The following LEKR1 variants were observed in gnomAD, a reference collection of about 807,000 sequenced individuals.
LEKR1 encodes protein LEKR1.
A neutral mutation model predicts 72.4 loss-of-function variants in LEKR1; 59 were observed. That is an observed-to-expected ratio of 0.82 (90% CI 0.66 to 1.01). LEKR1 has a LOEUF of 1.01. Among genes scored for constraint, LEKR1 ranks in the 50% least tolerant of loss-of-function variants. The pLI, the probability that LEKR1 is intolerant of heterozygous loss-of-function variation, is 0.00. For synonymous variants in LEKR1, 257 were observed against 263.2 expected (o/e 0.98, Z 0.23); for missense variants, 728 against 759.2 (o/e 0.96, Z 0.48).
Position 156,846,712 on chromosome 3 carries a change from A to G in LEKR1, c.49-6056A>G, listed in dbSNP as rs76645317. 9.7e-3 allele frequency among the ~76,000 whole-genome samples: 1,475 copies of G among 152,316 alleles called. 22 individuals carry two copies. The highest frequency in any genetic ancestry group is 0.034 in the African/African-American group (1,403 of 41,550). ...AGAAGGATTAGTATTTCATACTGCT[A>G]TCACTCTTATCTACAAAGAATAGTT... On this transcript the variant is annotated intron_variant, in intron 2 of 12. Coordinates refer to ENST00000356539, the MANE Select transcript of LEKR1 (RefSeq NM_001004316.3).
At chr3:156,851,058 T>A (rs1036198997) in intron 2 of LEKR1, 5 of 152,146 alleles carry the variant, frequency 3.3e-5, no homozygotes, top group African/African-American at 1.2e-4. Flanking sequence ...GAGAGAAGTT[T>A]GAGTCTTCTC....
intron 6 of LEKR1, among the ~76,000 whole-genome samples, chr3:156,957,171 A>G (rs547021830): frequency 1.3e-5 from 2 of 152,246 alleles, no homozygotes; most frequent in South Asian, 4.1e-4. Flanking sequence ...AACACTAATG[A>G]TAGGAGTAAT....
intron 6 of LEKR1, among the ~76,000 whole-genome samples, chr3:156,959,219 A>G (rs1022830847): frequency 6.6e-6 from 1 of 152,176 alleles, no homozygotes; most frequent in African/African-American, 2.4e-5. Context: ...GGCACATCAA[A>G]TAAGGGCAGA....
chr3:156,900,626 G>C (rs947893182), intron 3 of LEKR1, among the ~76,000 whole-genome samples: 5 of 152,180 alleles, frequency 3.3e-5, no homozygotes, highest in African/African-American at 1.2e-4. Flanking sequence ...TATAGGACTT[G>C]AGTTAGAAAA....
At chr3:156,999,769 C>T (rs1731869622) in intron 9 of LEKR1, among the ~76,000 whole-genome samples, 1 of 152,150 alleles carries the variant, frequency 6.6e-6, no homozygotes, top group South Asian at 2.1e-4. Context: ...TGCACAAGGG[C>T]ACTGGTTAGC....
intron 6 of LEKR1, among the ~76,000 whole-genome samples, chr3:156,957,373 G>A (rs1465184422): frequency 1.3e-5 from 2 of 151,806 alleles, no homozygotes; most frequent in African/African-American, 2.4e-5. Flanking sequence ...AAAGGAACTT[G>A]GAAATATGAG....
At chr3:156,856,261 A>T (rs1716048679) in intron 3 of LEKR1, among the ~76,000 whole-genome samples, 1 of 151,954 alleles carries the variant, frequency 6.6e-6, no homozygotes, top group Non-Finnish European at 1.5e-5. Context: ...GCCACCTATT[A>T]ATTTTTCTTC....
chr3:156,992,636 C>G lies in LEKR1; in HGVS notation c.828-17C>G, dbSNP rs775749641. The G allele has an allele frequency of 1.8e-6, 1 of 548,968 alleles. No homozygotes were observed. The highest frequency in any genetic ancestry group is 2.6e-6 in the Non-Finnish European group (1 of 382,168). The allele number at this position is 548,968 out of a possible 1,614,324, so 34.0% of individuals were successfully genotyped here. ...ATTTTGAAATAATATATTTTAACTT[C>G]TTTTGTATTATTTTAGGAATAAATC... On this transcript the variant is annotated splice_polypyrimidine_tract_variant and intron_variant, in intron 7 of 12. Coordinates refer to ENST00000356539, the MANE Select transcript of LEKR1 (RefSeq NM_001004316.3).
At chr3:156,956,449 A>G (rs1159514967) in intron 6 of LEKR1, among the ~76,000 whole-genome samples, 2 of 152,050 alleles carry the variant, frequency 1.3e-5, no homozygotes, top group Admixed American at 6.6e-5. Flanking sequence ...GGCAGTATAT[A>G]TCTTTAGAAC....
intron 6 of LEKR1, among the ~76,000 whole-genome samples, chr3:156,959,805 T>C (rs1727954807): frequency 6.6e-6 from 1 of 152,230 alleles, no homozygotes; most frequent in Admixed American, 6.5e-5. Context: ...ATTATGTCAC[T>C]ATTGTGCTTC....
At position 157,045,842 on chromosome 3, in the gene LEKR1, A is replaced by T. The variant is rs758616724; in HGVS notation, c.*92A>T. On this transcript the variant is annotated 3_prime_UTR_variant, in exon 13 of 13. Coordinates refer to ENST00000356539, the MANE Select transcript of LEKR1 (RefSeq NM_001004316.3). Reference sequence around the variant, plus strand: ...TGTAACTGAGAATGACAATGATAAAATTATTTTCACAGATCAGGAAGGCAT... The same window carrying T: ...TGTAACTGAGAATGACAATGATAAATTTATTTTCACAGATCAGGAAGGCAT... The T allele has an allele frequency of 6.2e-5, 74 of 1,191,168 alleles. No individual in the cohort carries two copies. Among genetic ancestry groups the T allele is most frequent in the Non-Finnish European group, 8.1e-5 (69 of 849,290 alleles). The allele number at this position is 1,191,168 out of a possible 1,614,324, so 73.8% of individuals were successfully genotyped here.
intron 9 of LEKR1, among the ~76,000 whole-genome samples, chr3:157,005,129 G>A (rs890643305): frequency 2.6e-5 from 4 of 152,052 alleles, no homozygotes; most frequent in African/African-American, 9.7e-5. Flanking sequence ...CAGATATTAA[G>A]ATGATAATAC....
chr3:156,875,846 T>A (rs1173046694), intron 3 of LEKR1, among the ~76,000 whole-genome samples: 3 of 151,808 alleles, frequency 2.0e-5, no homozygotes. Flanking sequence ...ATACAAAAAA[T>A]TAGCTGGGTA....
Position 157,016,783 on chromosome 3 carries a change from T to C in LEKR1, c.1203+5277T>C, listed in dbSNP as rs968868722. Among the ~76,000 whole-genome samples the C allele has an allele frequency of 2.9e-4, 44 of 151,894 alleles. 2 individuals are homozygous for C. Among genetic ancestry groups the C allele is most frequent in the Admixed American group, 2.6e-3 (40 of 15,244 alleles). On this transcript the variant is annotated intron_variant, in intron 10 of 12. Coordinates refer to ENST00000356539, the MANE Select transcript of LEKR1 (RefSeq NM_001004316.3). Reference sequence around the variant, plus strand: ...AATAATAACACAATGGCTGAGAGGGTAGAAGTGGAAATATATTACTGTGAG... The same window carrying C: ...AATAATAACACAATGGCTGAGAGGGCAGAAGTGGAAATATATTACTGTGAG...
intron 3 of LEKR1, among the ~76,000 whole-genome samples, chr3:156,889,071 CCTATCCT>C (rs1206586698): frequency 3.3e-5 from 5 of 151,962 alleles, no homozygotes; most frequent in African/African-American, 1.2e-4. Context: ...TTCTCCATTT[CCTATCCT>C]CTTTTAAAGA....
chr3:156,862,282 A>G (rs1716857662), intron 3 of LEKR1, among the ~76,000 whole-genome samples: 1 of 151,944 alleles, frequency 6.6e-6, no homozygotes, highest in South Asian at 2.1e-4. Flanking sequence ...TATTTTTTCT[A>G]TTCACCTTTC....
At chr3:156,927,220 A>G (rs1576838801) in intron 4 of LEKR1, among the ~76,000 whole-genome samples, 1 of 151,916 alleles carries the variant, frequency 6.6e-6, no homozygotes, top group African/African-American at 2.4e-5. Context: ...CAAAATGGAA[A>G]TGAGTTAGAG....
intron 10 of LEKR1, among the ~76,000 whole-genome samples, chr3:157,016,563 C>T (rs9840315): frequency 0.036 from 5,409 of 151,688 alleles, 340 homozygotes; most frequent in African/African-American, 0.12. Context: ...AATAGACCCA[C>T]GCTATAAAAA....
chr3:156,849,491 T>A (rs1298756403), intron 2 of LEKR1, among the ~76,000 whole-genome samples: 2 of 152,166 alleles, frequency 1.3e-5, no homozygotes, highest in Non-Finnish European at 2.9e-5. Context: ...GGCATCACGC[T>A]ACCTGACTTC....
Sources: allele counts gnomAD v4.1 joint callset (sites outside exome capture counted in the v4.1 genomes callset), GRCh38; gene constraint gnomAD v4.1.1; transcripts MANE v1.5; gene names NCBI Gene and HGNC (gene_info 2026-07-23, HGNC 2026-07-21).